The following CARM1 variants were observed in gnomAD, a reference collection of about 807,000 sequenced individuals.
CARM1 encodes histone-arginine methyltransferase CARM1.
CARM1 carries 14 observed loss-of-function variants against 72.7 expected under a neutral mutation model. That is an observed-to-expected ratio of 0.19 (90% CI 0.13 to 0.30). The LOEUF (loss-of-function observed/expected upper bound fraction) is 0.30, where lower values mean the gene tolerates loss of function less well. CARM1 is among the 10% of genes least tolerant of loss of function. The pLI is 1.00. For synonymous variants in CARM1, 333 were observed against 345.5 expected (o/e 0.96, Z 0.40); for missense variants, 432 against 833.7 (o/e 0.52, Z 5.93).
chr19:10,913,854 C>G, intron 5 of CARM1, 23 bp from the exon 6 acceptor site: 1 of 1,605,056 alleles, frequency 6.2e-7, no homozygotes, highest in Non-Finnish European at 8.5e-7. Context: ...CAGGGAAGCC[C>G]ACATGGCCCT....
rs1379446509 is a variant in CARM1 at position 10,916,386 on chromosome 19, C to T, written c.848-21C>T. On this transcript the variant is annotated intron_variant, in intron 6 of 15. Coordinates refer to ENST00000327064, the MANE Select transcript of CARM1 (RefSeq NM_199141.2). This position sits in a 1 kb window ranked among gnomAD's most constrained non-coding sequence, Gnocchi z 4.4. The stretch of plus-strand genomic sequence containing the variant: ...GGGATGTGTCACCTGACGCCAGCAC[C>T]CCTCCCTGCCCCACTCCCAGGAAAC... 1 of 1,566,264 alleles carries T rather than the reference C, an allele frequency of 6.4e-7. No individual in the cohort carries two copies. Among genetic ancestry groups the T allele is most frequent in the East Asian group, 2.2e-5 (1 of 44,624 alleles).
At chr19:10,890,702 CACACATATATACACATGAATATATAG>C (rs1346090810) in intron 1 of CARM1, among the ~76,000 whole-genome samples, 3 of 146,874 alleles carry the variant, frequency 2.0e-5, no homozygotes, top group African/African-American at 5.0e-5. Flanking sequence ...CATATATACA[CACACATATATACACATGAATATATAG>C]ACACATATAT....
intron 6 of CARM1, among the ~76,000 whole-genome samples, chr19:10,914,598 A>C (rs1202434025): frequency 6.6e-6 from 1 of 152,062 alleles, no homozygotes; most frequent in Non-Finnish European, 1.5e-5. Flanking sequence ...TCTTGTTGCC[A>C]AGGCTGGAGT....
rs2073817438 is a variant in CARM1 at position 10,871,643 on chromosome 19, G to GCGGCGGCGGCAGCA, written c.-60_-59insCGGCGGCGGCAGCA. On this transcript the variant is annotated 5_prime_UTR_variant, in exon 1 of 16. Coordinates refer to ENST00000327064, the MANE Select transcript of CARM1 (RefSeq NM_199141.2). The surrounding 1 kb of genome is among the most constrained non-coding windows in gnomAD (Gnocchi z 5.6). ...CGGCGGCGGCGGCGGCGGCGGCAGC[G>GCGGCGGCGGCAGCA]GCGGCGGCCTGGGCCCGGGCGCAGC... 7.0e-6 allele frequency: 1 copy of GCGGCGGCGGCAGCA among 142,124 alleles called. No homozygotes were observed. Among genetic ancestry groups the GCGGCGGCGGCAGCA allele is most frequent in the Non-Finnish European group, 1.1e-5 (1 of 90,120 alleles). 8.8% of individuals were successfully genotyped at this position (142,124 alleles called of 1,614,324 possible).
At position 10,915,469 on chromosome 19, in the gene CARM1, C is replaced by G. The variant is rs2074187594; in HGVS notation, c.848-938C>G. Among the ~76,000 whole-genome samples, 1 of 152,068 alleles carries G rather than the reference C, an allele frequency of 6.6e-6. No homozygotes were observed. The highest frequency in any genetic ancestry group is 2.4e-5 in the African/African-American group (1 of 41,410). On this transcript the variant is annotated intron_variant, in intron 6 of 15. Coordinates refer to ENST00000327064, the MANE Select transcript of CARM1 (RefSeq NM_199141.2). This position sits in a 1 kb window ranked among gnomAD's most constrained non-coding sequence, Gnocchi z 4.6. ...AGCTCTTCCAGGGGTTAAAGGCAGC[C>G]CTCCCCTCTCCCAGTCACATGTCTT...
rs1258216457 is a variant in CARM1, at chr19:10,896,730, C to T, written c.221-8221C>T. Among the ~76,000 whole-genome samples the T allele has an allele frequency of 1.3e-5, 2 of 152,240 alleles. No homozygotes were observed. The highest frequency in any genetic ancestry group is 1.3e-4 in the Admixed American group (2 of 15,284). ...TTACTGGCATATCTGTCCCCAGTCT[C>T]CTTCCCAGGCTGGGTCAGGTGCCAC... On this transcript the variant is annotated intron_variant, in intron 1 of 15. Transcript: ENST00000327064. The surrounding 1 kb of genome is among the most constrained non-coding windows in gnomAD (Gnocchi z 5.2).
rs569303561 is a variant in CARM1 at position 10,896,015 on chromosome 19, G to A, written c.221-8936G>A. The stretch of plus-strand genomic sequence containing the variant: ...GAGGTTTGGCTGGAGTGACCCAGGG[G>A]GCAGCAGTGAGACTGCAGACATTGG... On this transcript the variant is annotated intron_variant, in intron 1 of 15. Transcript: ENST00000327064. The surrounding 1 kb of genome is among the most constrained non-coding windows in gnomAD (Gnocchi z 5.2). Among the ~76,000 whole-genome samples the A allele has an allele frequency of 5.3e-5, 8 of 152,218 alleles. No homozygotes were observed. In the South Asian group the frequency reaches 8.3e-4, roughly 16 times the overall value.
At chr19:10,873,361 C>G (rs918124530) in intron 1 of CARM1, among the ~76,000 whole-genome samples, 1 of 151,822 alleles carries the variant, frequency 6.6e-6, no homozygotes, top group African/African-American at 2.4e-5. Context: ...AGGCTAAGCA[C>G]TTTGGGAGGA....
intron 4 of CARM1, among the ~76,000 whole-genome samples, chr19:10,910,971 G>A (rs2074145939): frequency 6.6e-6 from 1 of 152,082 alleles, no homozygotes; most frequent in African/African-American, 2.4e-5. Flanking sequence ...GCTCACTGCA[G>A]CCTCTGCCTC....
intron 1 of CARM1, among the ~76,000 whole-genome samples, chr19:10,903,564 C>CTT (rs1203997737): frequency 7.0e-6 from 1 of 142,894 alleles, no homozygotes; most frequent in Non-Finnish European, 1.5e-5. Context: ...CCCTAGTTGT[C>CTT]TTTTTTTTTT....
intron 1 of CARM1, among the ~76,000 whole-genome samples, chr19:10,875,140 G>A (rs1227576179): frequency 1.3e-5 from 2 of 152,132 alleles, no homozygotes; most frequent in Non-Finnish European, 2.9e-5. Flanking sequence ...CAACAGGAAT[G>A]GATTCTCTCT....
intron 1 of CARM1, among the ~76,000 whole-genome samples, chr19:10,876,363 C>T (rs1047338211): frequency 6.6e-6 from 1 of 152,174 alleles, no homozygotes; most frequent in Non-Finnish European, 1.5e-5. Context: ...CAGCAGTGTT[C>T]GTTGGTGTGG....
rs1307471254 is a variant in CARM1 at position 10,916,014 on chromosome 19, G to A, written c.848-393G>A. ...GGGCCCACCACCCTCCCTCTGTCCA[G>A]AGCAACTTTGCTATGCTTTCCCGGC... On this transcript the variant is annotated intron_variant, in intron 6 of 15. Coordinates refer to ENST00000327064, the MANE Select transcript of CARM1 (RefSeq NM_199141.2). This position sits in a 1 kb window ranked among gnomAD's most constrained non-coding sequence, Gnocchi z 4.4. Among the ~76,000 whole-genome samples the A allele has an allele frequency of 6.6e-6, 1 of 152,226 alleles. No individual in the cohort carries two copies. Among genetic ancestry groups the A allele is most frequent in the East Asian group, 1.9e-4 (1 of 5,200 alleles).
chr19:10,903,235 C>T (rs535175805), intron 1 of CARM1, among the ~76,000 whole-genome samples: 12 of 152,226 alleles, frequency 7.9e-5, no homozygotes, highest in Admixed American at 7.9e-4. Context: ...CTTTCTTTTG[C>T]CAGTACCACT....
rs1459109044 is a variant in CARM1 at position 10,915,337 on chromosome 19, A to C, written c.848-1070A>C. On this transcript the variant is annotated intron_variant, in intron 6 of 15. Transcript: ENST00000327064. The surrounding 1 kb of genome is among the most constrained non-coding windows in gnomAD (Gnocchi z 4.6). ...CCGATGGGACATGAAGCCAGATGGC[A>C]GTCAGGCTCTGTGGGCAGCTGCATG... Among the ~76,000 whole-genome samples, 1 of 152,126 alleles carries C rather than the reference A, an allele frequency of 6.6e-6. No individual in the cohort carries two copies. The highest frequency in any genetic ancestry group is 1.9e-4 in the East Asian group (1 of 5,176).
At chr19:10,875,294 G>A (rs148700922) in intron 1 of CARM1, among the ~76,000 whole-genome samples, 14 of 151,994 alleles carry the variant, frequency 9.2e-5, no homozygotes, top group East Asian at 3.9e-4. Flanking sequence ...AAGTCCCTGC[G>A]TCTGTCTTCA....
intron 3 of CARM1, 51 bp from the exon 4 acceptor site, chr19:10,909,052 G>T: frequency 7.0e-7 from 1 of 1,422,648 alleles, no homozygotes; most frequent in South Asian, 1.2e-5. Context: ...CAGGGCCTTG[G>T]CTGCCTCGTG....
chr19:10,905,044 A>G lies in CARM1; in HGVS notation c.314A>G (p.Asn105Ser). Reference sequence around the variant, plus strand: ...TCCTTCATCATCACCCTGGGCTGCAACAGCGTCCTCATCCAGTTCGCCACA... The same window carrying G: ...TCCTTCATCATCACCCTGGGCTGCAGCAGCGTCCTCATCCAGTTCGCCACA... ...KQSFIITLGC[N>S]SVLIQFATPN... Residue 105 changes from asparagine (N) to serine (S), a missense_variant, in exon 2 of 16, where the codon AAC (asparagine) becomes AGC (serine). By Grantham distance (46) the Asn-to-Ser change is conservative. Coordinates refer to ENST00000327064, the MANE Select transcript of CARM1 (RefSeq NM_199141.2). 1 of 1,614,142 alleles carries G rather than the reference A, an allele frequency of 6.2e-7. No individual in the cohort carries two copies. Among genetic ancestry groups the G allele is most frequent in the Non-Finnish European group, 8.5e-7 (1 of 1,180,020 alleles).
intron 1 of CARM1, among the ~76,000 whole-genome samples, chr19:10,873,154 G>C (rs1360119060): frequency 1.3e-5 from 2 of 152,134 alleles, no homozygotes; most frequent in African/African-American, 4.8e-5. Flanking sequence ...CAGAACCCCA[G>C]ATCATAAGCA....
Sources: allele counts gnomAD v4.1 joint callset (sites outside exome capture counted in the v4.1 genomes callset), GRCh38; gene constraint gnomAD v4.1.1; non-coding constraint Gnocchi (gnomAD v3.1); transcripts MANE v1.5; gene names NCBI Gene and HGNC (gene_info 2026-07-23, HGNC 2026-07-21).